Variants in NAALADL2 observed in about 807,000 individuals in gnomAD.
NAALADL2 encodes the protein N-acetylated alpha-linked acidic dipeptidase like 2.
In NAALADL2, 76 loss-of-function variants were observed where a neutral mutation model predicts 87.2. That is an observed-to-expected ratio of 0.87 (90% confidence interval 0.72 to 1.05). The LOEUF is 1.05. NAALADL2 is among the 50% of genes least tolerant of loss of function. The pLI is 0.00. For missense variants in NAALADL2, 1,089 were observed against 945.8 expected, an observed-to-expected ratio of 1.15 and a Z score of -1.99; for synonymous variants, 354 against 331.0, an observed-to-expected ratio of 1.07 and a Z score of -0.75.
At chr3:174,451,965 C>T (rs1715522193) in intron 1 of NAALADL2, among the ~76,000 whole-genome samples, 2 of 150,534 alleles carry the variant, frequency 1.3e-5, no homozygotes, top group African/African-American at 4.9e-5. Flanking sequence ...GCCTCAGCCT[C>T]CCGAGTAGCT....
intron 9 of NAALADL2, among the ~76,000 whole-genome samples, chr3:175,572,204 G>A (rs1357847303): frequency 6.6e-6 from 1 of 151,998 alleles, no homozygotes; most frequent in African/African-American, 2.4e-5. Context: ...CCTCCCTTTG[G>A]GCTTGATGAT....
chr3:174,974,366 A>C lies in NAALADL2; in HGVS notation c.43+114916A>C, dbSNP rs534374769. Among the ~76,000 whole-genome samples, 32 of 152,250 alleles carry C rather than the reference A, an allele frequency of 2.1e-4. No homozygotes were observed. In the Middle Eastern group the frequency reaches 0.017, roughly 81 times the overall value. On this transcript the variant is annotated intron_variant, in intron 1 of 13. Coordinates refer to ENST00000454872, the MANE Select transcript of NAALADL2 (RefSeq NM_207015.3). Reference sequence around the variant, plus strand: ...TTTAATTTGCTCATTTGTCCAATAAATTTTTTGAAATTTATCAAGGCATCC... The same window carrying C: ...TTTAATTTGCTCATTTGTCCAATAACTTTTTTGAAATTTATCAAGGCATCC...
intron 9 of NAALADL2, among the ~76,000 whole-genome samples, chr3:175,491,272 T>C (rs1304491502): frequency 6.6e-6 from 1 of 151,220 alleles, no homozygotes; most frequent in Non-Finnish European, 1.5e-5. Flanking sequence ...TATTGTTCTA[T>C]AAAATATTAT....
intron 9 of NAALADL2, among the ~76,000 whole-genome samples, chr3:175,553,049 G>T (rs1410036935): frequency 6.6e-6 from 1 of 151,964 alleles, no homozygotes; most frequent in East Asian, 1.9e-4. Flanking sequence ...AGTATACTCA[G>T]TGTACAAAAA....
At chr3:174,732,634 G>C (rs1732813229) in intron 2 of NAALADL2, among the ~76,000 whole-genome samples, 1 of 152,092 alleles carries the variant, frequency 6.6e-6, no homozygotes, top group African/African-American at 2.4e-5. Flanking sequence ...GAAGTAGATA[G>C]GCTTAACTTA....
rs1252026068 is a variant in NAALADL2 at position 175,576,192 on chromosome 3, T to C, written c.1800+5T>C. On this transcript the variant is annotated splice_donor_5th_base_variant and intron_variant, in intron 10 of 13. Coordinates refer to ENST00000454872, the MANE Select transcript of NAALADL2 (RefSeq NM_207015.3). ...GAGGACATCAAAACATTAGAGGTGATTGTTCCTAAAAAATGCAAAACACAC... is the reference window on the plus strand; with the variant it reads ...GAGGACATCAAAACATTAGAGGTGACTGTTCCTAAAAAATGCAAAACACAC... The C allele has an allele frequency of 1.2e-6, 2 of 1,609,700 alleles. No individual in the cohort carries two copies. The highest frequency in any genetic ancestry group is 8.5e-7 in the Non-Finnish European group (1 of 1,178,456).
intron 3 of NAALADL2, among the ~76,000 whole-genome samples, chr3:174,765,711 G>A (rs1038264786): frequency 6.6e-6 from 1 of 152,148 alleles, no homozygotes; most frequent in Admixed American, 6.5e-5. Flanking sequence ...AGATAATACA[G>A]GTTTTTATAT....
chr3:175,026,250 C>A (rs956530465), intron 1 of NAALADL2, among the ~76,000 whole-genome samples: 1 of 151,926 alleles, frequency 6.6e-6, no homozygotes, highest in Non-Finnish European at 1.5e-5. Flanking sequence ...CATGTCTAGG[C>A]ATATTTTCGT....
At chr3:175,735,126 A>G (rs1472854817) in intron 11 of NAALADL2, among the ~76,000 whole-genome samples, 1 of 152,158 alleles carries the variant, frequency 6.6e-6, no homozygotes, top group Admixed American at 6.5e-5. Flanking sequence ...CTCAAGTTCA[A>G]AGTTCGACAA....
intron 13 of NAALADL2, among the ~76,000 whole-genome samples, chr3:175,780,028 G>T (rs1197533498): frequency 1.3e-5 from 2 of 152,032 alleles, no homozygotes; most frequent in Non-Finnish European, 2.9e-5. Flanking sequence ...CAGCACTCTG[G>T]GAGGCCGAGG....
chr3:175,450,935 C>A (rs998975710), intron 6 of NAALADL2, among the ~76,000 whole-genome samples: 1 of 151,836 alleles, frequency 6.6e-6, no homozygotes, highest in Non-Finnish European at 1.5e-5. Flanking sequence ...CATCTTAAGA[C>A]CATGGGAATG....
intron 5 of NAALADL2, among the ~76,000 whole-genome samples, chr3:175,328,099 G>C (rs1341173894): frequency 2.0e-5 from 3 of 152,304 alleles, no homozygotes; most frequent in African/African-American, 7.2e-5. Context: ...AGCTTAGTCA[G>C]TTTACACCTA....
intron 4 of NAALADL2, among the ~76,000 whole-genome samples, chr3:175,320,214 AATG>A (rs1431546032): frequency 6.6e-6 from 1 of 152,238 alleles, no homozygotes; most frequent in Non-Finnish European, 1.5e-5. Context: ...AGATGACTAA[AATG>A]AATAAGCTTT....
chr3:175,491,131 A>T (rs915138539), intron 9 of NAALADL2, among the ~76,000 whole-genome samples: 1 of 141,798 alleles, frequency 7.1e-6, no homozygotes, highest in South Asian at 2.3e-4. Context: ...GAGCTGCAAC[A>T]TTTCTTTCTT....
intron 2 of NAALADL2, among the ~76,000 whole-genome samples, chr3:174,736,129 C>CTCAGGACA (rs764957511): frequency 6.6e-6 from 1 of 152,116 alleles, no homozygotes; most frequent in Non-Finnish European, 1.5e-5. Context: ...ATACCAGGAA[C>CTCAGGACA]CTCAGAGCCC....
intron 5 of NAALADL2, among the ~76,000 whole-genome samples, chr3:175,328,307 A>G (rs1760990514): frequency 6.6e-6 from 1 of 152,152 alleles, no homozygotes; most frequent in African/African-American, 2.4e-5. Flanking sequence ...ACTTTGAATC[A>G]ATATTTAGTT....
intron 1 of NAALADL2, among the ~76,000 whole-genome samples, chr3:174,534,041 G>A (rs1335963124): frequency 6.6e-6 from 1 of 152,078 alleles, no homozygotes; most frequent in Admixed American, 6.5e-5. Context: ...ATATATGTGG[G>A]AGGTAGAAAA....
At chr3:174,834,381 A>G (rs113617155) in intron 3 of NAALADL2, among the ~76,000 whole-genome samples, 16,973 of 137,172 alleles carry the variant, frequency 0.12, 1,221 homozygotes, top group African/African-American at 0.19. Flanking sequence ...TGCTTTCTAC[A>G]CAAGATTGGG....
intron 5 of NAALADL2, among the ~76,000 whole-genome samples, chr3:175,365,091 T>C (rs1016667381): frequency 1.4e-5 from 2 of 147,482 alleles, no homozygotes; most frequent in African/African-American, 2.5e-5. Flanking sequence ...AAATTTATTC[T>C]ATGCCAATTG....
Sources: allele counts gnomAD v4.1 joint callset (sites outside exome capture counted in the v4.1 genomes callset), GRCh38; gene constraint gnomAD v4.1.1; transcripts MANE v1.5; gene names NCBI Gene and HGNC (gene_info 2026-07-23, HGNC 2026-07-21).